ZBTB45: variants seen among roughly 807,000 people sequenced by gnomAD.
ZBTB45 encodes zinc finger and BTB domain containing 45.
In ZBTB45, 22 loss-of-function variants were observed where a neutral mutation model predicts 28.4. That is an observed-to-expected ratio of 0.77 (90% CI 0.55 to 1.10). The LOEUF is 1.10. ZBTB45 is among the 50% of genes least tolerant of loss of function. The pLI is 0.00. For missense variants in ZBTB45, 656 were observed against 750.2 expected, an observed-to-expected ratio of 0.87 and a Z score of 1.47; for synonymous variants, 361 against 332.3, an observed-to-expected ratio of 1.09 and a Z score of -0.94.
At chr19:58,536,876 T>G (rs955281938) in intron 1 of ZBTB45, among the ~76,000 whole-genome samples, 1 of 152,082 alleles carries the variant, frequency 6.6e-6, no homozygotes, top group Non-Finnish European at 1.5e-5. Context: ...GCTACACCTG[T>G]CTTATGCCCT....
intron 1 of ZBTB45, among the ~76,000 whole-genome samples, chr19:58,535,773 C>G (rs973414709): frequency 2.6e-5 from 4 of 152,204 alleles, no homozygotes; most frequent in African/African-American, 9.6e-5. Context: ...TGGTCATCAT[C>G]TTCATCCATT....
At chr19:58,524,893 A>T (rs1398415102) in intron 1 of ZBTB45, among the ~76,000 whole-genome samples, 2 of 151,888 alleles carry the variant, frequency 1.3e-5, no homozygotes, top group African/African-American at 4.8e-5. Flanking sequence ...AAAAAAAAAA[A>T]ACAAAAAAAC....
chr19:58,536,500 G>A (rs1406563363), intron 1 of ZBTB45, among the ~76,000 whole-genome samples: 2 of 150,730 alleles, frequency 1.3e-5, no homozygotes, highest in Non-Finnish European at 3.0e-5. Context: ...AAAATTATCC[G>A]GGCGTGGTAG....
In ZBTB45 at chr19:58,531,557, A is replaced by C. The variant is rs377573595; in HGVS notation, c.-1+7144T>G. On this transcript the variant is annotated intron_variant, in intron 1 of 1. Transcript: ENST00000600130. ...TTTCAAATTCTAGCATCTAATTATC[A>C]GTGGGCATTCTTTGGTAAGCAAGCA... 4.6e-5 allele frequency among the ~76,000 whole-genome samples: 7 copies of C among 152,320 alleles called. No individual in the cohort carries two copies. The South Asian group carries it at 1.4e-3, about 32-fold the overall frequency.
At chr19:58,526,302 C>T (rs1323126380) in intron 1 of ZBTB45, among the ~76,000 whole-genome samples, 4 of 152,096 alleles carry the variant, frequency 2.6e-5, no homozygotes, top group South Asian at 2.1e-4. Flanking sequence ...CTCCACCTCC[C>T]GGGTTCAAGT....
upstream of ZBTB45, among the ~76,000 whole-genome samples, chr19:58,524,435 ATGTG>A (rs56704623): frequency 0.021 from 2,948 of 138,298 alleles, 45 homozygotes; most frequent in Middle Eastern, 0.047. Flanking sequence ...GTGTTCATAT[ATGTG>A]TGTGTGTGTG....
chr19:58,518,685 C>T (rs893845541), intron 1 of ZBTB45, among the ~76,000 whole-genome samples: 1 of 152,068 alleles, frequency 6.6e-6, no homozygotes, highest in African/African-American at 2.4e-5. Flanking sequence ...GCAGGTAAAC[C>T]GTGATCCTTC....
chr19:58,518,078 T>C (rs958264201), intron 1 of ZBTB45, among the ~76,000 whole-genome samples: 1 of 135,408 alleles, frequency 7.4e-6, no homozygotes, highest in Admixed American at 7.6e-5. Context: ...GCCCGGTGTG[T>C]AGAAGAGGCC....
In ZBTB45 at chr19:58,513,883, G is replaced by A; in HGVS notation, c.*171C>T. 1 of 801,228 alleles carries A rather than the reference G, an allele frequency of 1.2e-6. No homozygotes were observed. Among genetic ancestry groups the A allele is most frequent in the Non-Finnish European group, 1.8e-6 (1 of 569,850 alleles). 49.6% of individuals were successfully genotyped at this position (801,228 alleles called of 1,614,324 possible). ...GGAGGGTTCAAGTACATGGAGGAGA[G>A]GAGTAAGGCGGACTTAGGCCCTGGT... On this transcript the variant is annotated 3_prime_UTR_variant, in exon 3 of 3. Transcript: ENST00000594051.
intron 1 of ZBTB45, among the ~76,000 whole-genome samples, chr19:58,534,875 G>A (rs2053652735): frequency 1.5e-5 from 2 of 132,354 alleles, no homozygotes; most frequent in African/African-American, 5.7e-5. Flanking sequence ...TTTTTTTCAA[G>A]TTGGAGTCTC....
rs199720690 is a variant in ZBTB45 at position 58,516,516 on chromosome 19, C to T, written c.1158G>A (p.Thr386=). The T allele has an allele frequency of 2.6e-5, 42 of 1,612,812 alleles. No individual in the cohort carries two copies. The highest frequency in any genetic ancestry group is 7.7e-5 in the South Asian group (7 of 91,042). ...TGCGAGCAGGGGTGCCTGAGGGGGC[C>T]GTGGTGGGAGCAGCAGAGGGAGCCG... ...EVPAPSAAPT[T]APSGTPARTP... is the part of the protein sequence containing the mutation. Residue 386 remains threonine, a synonymous_variant, in exon 2 of 3, where the codon ACG becomes ACA. Coordinates refer to ENST00000594051, the MANE Select transcript of ZBTB45 (RefSeq NM_001316979.2). The surrounding 1 kb of genome is among the most constrained non-coding windows in gnomAD (Gnocchi z 6.2).
chr19:58,525,681 A>G (rs997385848), intron 1 of ZBTB45, among the ~76,000 whole-genome samples: 3 of 152,232 alleles, frequency 2.0e-5, no homozygotes, highest in Non-Finnish European at 4.4e-5. Flanking sequence ...GCATCCATAC[A>G]GGTATTGAGG....
intron 1 of ZBTB45, among the ~76,000 whole-genome samples, chr19:58,532,026 C>T (rs1001370841): frequency 7.2e-5 from 11 of 152,016 alleles, no homozygotes; most frequent in African/African-American, 2.7e-4. Flanking sequence ...CTCCTGTCCT[C>T]CCCCCTCCTT....
rs770838209 is a variant in ZBTB45, at chr19:58,516,693, C to T, written c.981G>A (p.Pro327=). 29 of 1,579,014 alleles carry T rather than the reference C, an allele frequency of 1.8e-5. No homozygotes were observed. Among genetic ancestry groups the T allele is most frequent in the Middle Eastern group, 3.6e-4 (2 of 5,490 alleles). The change falls in exon 2 of 3, where the codon CCG becomes CCA. Residue 327 remains proline, a synonymous_variant. Transcript: ENST00000594051. This position sits in a 1 kb window ranked among gnomAD's most constrained non-coding sequence, Gnocchi z 6.2. The part of the protein sequence containing the change: ...SRPPGVKTPG[P]PVALFPFHLG... ...AGTGAAAGGGGAAGAGTGCAACGGG[C>T]GGCCCTGGGGTCTTCACACCAGGCG... is the stretch of plus-strand genomic sequence containing the variant.
At chr19:58,528,454 CTAGT>C in intron 1 of ZBTB45, among the ~76,000 whole-genome samples, 1 of 146,694 alleles carries the variant, frequency 6.8e-6, no homozygotes, top group East Asian at 2.0e-4. Context: ...CAGAGCAAGA[CTAGT>C]TCTCAAAAAA....
Position 58,517,345 on chromosome 19 carries a change from C to A in ZBTB45, c.329G>T (p.Arg110Leu). 6.2e-7 allele frequency: 1 copy of A among 1,611,750 alleles called. No homozygotes were observed. Reference protein sequence around the residue: ...LQVLTAASVLRIQTVIDECTQ... With the variant: ...LQVLTAASVLLIQTVIDECTQ... ...GCATTCGTCGATAACTGTCTGTATG[C>A]GAAGCACTGACGCGGCCGTGAGCAC... The change falls in exon 2 of 3, where the codon CGC becomes CTC. Residue 110 changes from arginine (R) to leucine (L), a missense_variant. This residue lies in a region of ZBTB45 where 448 missense variants were observed against 444.3 expected (regional missense o/e 1.01). Transcript: ENST00000594051.
rs1376586305 is a variant in ZBTB45, at chr19:58,517,576, C to T, written c.98G>A (p.Cys33Tyr). 3.7e-6 allele frequency: 6 copies of T among 1,613,882 alleles called. No individual in the cohort carries two copies. The highest frequency in any genetic ancestry group is 4.2e-6 in the Non-Finnish European group (5 of 1,179,988). ...TTCACGAATGCGCACAGTCACGTCA[C>T]AGAAGTGTCCCCCAAGCCTCTGCCC... ...LNGQRLGGHFCDVTVRIREAS... is the reference protein window; with the variant it reads ...LNGQRLGGHFYDVTVRIREAS... The change falls in exon 2 of 3, where the codon TGT becomes TAT. Residue 33 changes from cysteine to tyrosine, a missense_variant. Cys to Tyr is a radical substitution (Grantham distance 194). This residue lies in a region of ZBTB45 where 105 missense variants were observed against 152.4 expected (regional missense o/e 0.69). Transcript: ENST00000594051.
At chr19:58,527,561 C>T (rs866285809) in intron 1 of ZBTB45, among the ~76,000 whole-genome samples, 3 of 152,140 alleles carry the variant, frequency 2.0e-5, no homozygotes, top group African/African-American at 7.2e-5. Context: ...CTGTGCCACC[C>T]GGGTGTTGTG....
chr19:58,526,732 C>T (rs918736146), intron 1 of ZBTB45, among the ~76,000 whole-genome samples: 3 of 148,598 alleles, frequency 2.0e-5, no homozygotes, highest in African/African-American at 5.0e-5. Context: ...GGGGTTTCAC[C>T]GTTTTAGCCG....
Sources: gnomAD v4.1 joint callset for allele counts (sites outside exome capture counted in the v4.1 genomes callset) on GRCh38, gnomAD v4.1.1 for gene constraint, gnomAD v4.1.1 regional missense constraint, Gnocchi (gnomAD v3.1) non-coding constraint, MANE v1.5 for transcripts, NCBI Gene and HGNC (gene_info 2026-07-23, HGNC 2026-07-21) for gene names.